PLEKHG2: variants seen among roughly 807,000 people sequenced by gnomAD.
The protein encoded by PLEKHG2 is pleckstrin homology domain-containing family G member 2.
A neutral mutation model predicts 104.4 loss-of-function variants in PLEKHG2; 71 were observed. The ratio of observed to expected loss-of-function variants is 0.68; its 90% CI spans 0.56 to 0.83. PLEKHG2 has a LOEUF of 0.83. PLEKHG2 is among the 40% of genes least tolerant of loss of function. PLEKHG2 has a pLI of 0.00. For synonymous variants in PLEKHG2, 728 were observed against 737.0 expected, an observed-to-expected ratio of 0.99 and a Z score of 0.20; for missense variants, 1,730 against 1,809.4, an observed-to-expected ratio of 0.96 and a Z score of 0.80.
In PLEKHG2 at chr19:39,420,670, G is replaced by A; in HGVS notation, c.1297+11G>A. 6.2e-7 allele frequency: 1 copy of A among 1,614,134 alleles called. No individual in the cohort carries two copies. The highest frequency in any genetic ancestry group is 1.6e-4 in the Middle Eastern group (1 of 6,062). On this transcript the variant is annotated intron_variant, in intron 12 of 18. Coordinates refer to ENST00000425673, the MANE Select transcript of PLEKHG2 (RefSeq NM_022835.3). ...AAAACAGCCTGCATTGTGAGTTGGG[G>A]CCTTGGGCTGGGAGGGTGTGGAAGT...
Position 39,415,068 on chromosome 19 carries a change from G to T in PLEKHG2, c.186G>T (p.Gly62=). Residue 62 remains glycine (G), a synonymous_variant, in exon 3 of 19, where the codon GGG becomes GGT. Coordinates refer to ENST00000425673, the MANE Select transcript of PLEKHG2 (RefSeq NM_022835.3). This position sits in a 1 kb window ranked among gnomAD's most constrained non-coding sequence, Gnocchi z 4.6. ...CCCTGAGCACAGTGGGCTCTGAGGGGGATCCAGCCCCTGGGCCCACTCCAG... is the reference window on the plus strand; with the variant it reads ...CCCTGAGCACAGTGGGCTCTGAGGGTGATCCAGCCCCTGGGCCCACTCCAG... ...STSLSTVGSE[G]DPAPGPTPAC... The T allele has an allele frequency of 1.3e-6, 2 of 1,592,336 alleles. No homozygotes were observed. The highest frequency in any genetic ancestry group is 1.7e-6 in the Non-Finnish European group (2 of 1,169,956).
intron 17 of PLEKHG2, among the ~76,000 whole-genome samples, chr19:39,422,530 A>C (rs1410991324): frequency 6.6e-6 from 1 of 151,266 alleles, no homozygotes; most frequent in East Asian, 1.9e-4. Context: ...GGCACCCGCC[A>C]ACACACCCGG....
At chr19:39,418,629 C>A in intron 9 of PLEKHG2, 105 bp from the exon 10 acceptor site, 2 of 846,294 alleles carry the variant, frequency 2.4e-6, no homozygotes, top group South Asian at 1.6e-5. Context: ...TGGGATGCAT[C>A]TTCCTAGGGA....
chr19:39,417,555 G>T lies in PLEKHG2; in HGVS notation c.745G>T (p.Glu249Ter). 6.2e-7 allele frequency: 1 copy of T among 1,613,880 alleles called. No individual in the cohort carries two copies. Among genetic ancestry groups the T allele is most frequent in the East Asian group, 2.2e-5 (1 of 44,872 alleles). Residue 249 changes from glutamate to a stop codon, truncating the protein, a stop_gained and splice_region_variant, in exon 8 of 19, where the codon GAA becomes TAA. Transcript: ENST00000425673. LOFTEE classifies it high-confidence loss of function. ...RILKYHLLLQ[E>*]LGKHWAEGPG... The stretch of plus-strand genomic sequence containing the variant: ...TGCGTGCCTGGTGGCTGCCTGACAG[G>T]AACTAGGGAAGCACTGGGCGGAGGG...
intron 7 of PLEKHG2, 37 bp from the exon 8 acceptor site, chr19:39,417,518 T>C (rs753313783): frequency 1.2e-6 from 2 of 1,603,176 alleles, no homozygotes; most frequent in South Asian, 2.2e-5. Context: ...TCTCTGTTTC[T>C]CTCCCCATCC....
chr19:39,416,611 G>T lies in PLEKHG2; in HGVS notation c.593+14G>T. The T allele has an allele frequency of 6.2e-7, 1 of 1,613,640 alleles. No individual in the cohort carries two copies. Among genetic ancestry groups the T allele is most frequent in the Non-Finnish European group, 8.5e-7 (1 of 1,179,794 alleles). On this transcript the variant is annotated intron_variant, in intron 6 of 18. Coordinates refer to ENST00000425673, the MANE Select transcript of PLEKHG2 (RefSeq NM_022835.3). This position sits in a 1 kb window ranked among gnomAD's most constrained non-coding sequence, Gnocchi z 4.5. ...GAACTACCCGAGGTGAGGGGCAGGAGCCCCTGCTGGGCCTCAGGCTGTGCC... is the reference window on the plus strand; with the variant it reads ...GAACTACCCGAGGTGAGGGGCAGGATCCCCTGCTGGGCCTCAGGCTGTGCC...
Position 39,416,384 on chromosome 19 carries a change from C to G in PLEKHG2, c.516C>G (p.Ala172=). 6.2e-7 allele frequency: 1 copy of G among 1,612,676 alleles called. No individual in the cohort carries two copies. The change falls in exon 5 of 19, where the codon GCC becomes GCG. Residue 172 remains alanine (A), a synonymous_variant. Transcript: ENST00000425673. This position sits in a 1 kb window ranked among gnomAD's most constrained non-coding sequence, Gnocchi z 4.5. ...AGGACTTGGAGAACAGCAGCAGCGC[C>G]GGGGGTATTGCCGAGTGCTTCGTGC... ...LLEDLENSSS[A]GGIAECFVQR...
chr19:39,420,246 C>T (rs577286129), intron 11 of PLEKHG2, among the ~76,000 whole-genome samples: 101 of 151,842 alleles, frequency 6.7e-4, no homozygotes, highest in African/African-American at 2.3e-3. Context: ...GTAATCCCAG[C>T]AACTCAAGAG....
chr19:39,421,210 A>G, intron 15 of PLEKHG2, 73 bp from the exon 16 acceptor site: 2 of 1,612,416 alleles, frequency 1.2e-6, no homozygotes, highest in Non-Finnish European at 1.7e-6. Context: ...TCAGCTCATC[A>G]GTTATGGGGG....
chr19:39,416,288 G>T lies in PLEKHG2; in HGVS notation c.480-60G>T. The T allele has an allele frequency of 6.4e-7, 1 of 1,564,514 alleles. No homozygotes were observed. Among genetic ancestry groups the T allele is most frequent in the Admixed American group, 1.7e-5 (1 of 59,324 alleles). The stretch of plus-strand genomic sequence containing the variant: ...ACCATTGGGGCCTCAGCCTCCTGGA[G>T]GCCTCCCATGGAGGGGTCGTGAAGG... On this transcript the variant is annotated intron_variant, in intron 4 of 18. Transcript: ENST00000425673. The surrounding 1 kb of genome is among the most constrained non-coding windows in gnomAD (Gnocchi z 4.5).
At position 39,423,403 on chromosome 19, in the gene PLEKHG2, C is replaced by T; in HGVS notation, c.2349C>T (p.Gly783=). The T allele has an allele frequency of 6.2e-7, 1 of 1,610,978 alleles. No individual in the cohort carries two copies. The highest frequency in any genetic ancestry group is 1.1e-5 in the South Asian group (1 of 90,680). The part of the protein sequence containing the change: ...ALEQGQLARP[G]FPEPLLILED... ...AACAGGGACAGCTGGCCCGGCCAGG[C>T]TTCCCAGAGCCACTGCTGATCCTGG... Residue 783 remains glycine, a synonymous_variant, in exon 18 of 19, where the codon GGC becomes GGT. Transcript: ENST00000425673.
chr19:39,422,042 G>T, intron 16 of PLEKHG2, 73 bp from the exon 17 acceptor site: 1 of 1,445,814 alleles, frequency 6.9e-7, no homozygotes, highest in Non-Finnish European at 9.2e-7. Flanking sequence ...AAAAGAAGGG[G>T]ATTGGGACTT....
chr19:39,424,208 G>T lies in PLEKHG2; in HGVS notation c.3075G>T (p.Glu1025Asp), dbSNP rs746098670. Residue 1025 changes from glutamate to aspartate, a missense_variant, in exon 19 of 19, where the codon GAG becomes GAT. By Grantham distance (45) the Glu-to-Asp change is conservative (BLOSUM62 2). Coordinates refer to ENST00000425673, the MANE Select transcript of PLEKHG2 (RefSeq NM_022835.3). ...HVPTTPALPK[E>D]ICSDFTVSVT... is the part of the protein sequence containing the mutation. ...CCACCACTCCAGCTTTGCCCAAGGA[G>T]ATTTGTTCTGATTTCACAGTTTCAG... 1 of 1,614,080 alleles carries T rather than the reference G, an allele frequency of 6.2e-7. No individual in the cohort carries two copies. The highest frequency in any genetic ancestry group is 8.5e-7 in the Non-Finnish European group (1 of 1,180,006).
At chr19:39,417,066 T>C in intron 7 of PLEKHG2, 66 bp downstream of exon 7, 1 of 1,498,832 alleles carries the variant, frequency 6.7e-7, no homozygotes. Flanking sequence ...ACCTGTTGGT[T>C]CATCTGGAGG....
At position 39,416,390 on chromosome 19, in the gene PLEKHG2, T is replaced by G. The variant is rs773816737; in HGVS notation, c.522T>G (p.Gly174=). 3 of 1,611,294 alleles carry G rather than the reference T, an allele frequency of 1.9e-6. No individual in the cohort carries two copies. The highest frequency in any genetic ancestry group is 2.5e-6 in the Non-Finnish European group (3 of 1,179,366). ...TGGAGAACAGCAGCAGCGCCGGGGG[T>G]ATTGCCGAGTGCTTCGTGCAGAGGG... is the stretch of plus-strand genomic sequence containing the variant. ...EDLENSSSAG[G]IAECFVQRSE... is the part of the protein sequence containing the mutation. The change falls in exon 5 of 19, where the codon GGT becomes GGG. Residue 174 remains glycine (G), a synonymous_variant. Coordinates refer to ENST00000425673, the MANE Select transcript of PLEKHG2 (RefSeq NM_022835.3). The surrounding 1 kb of genome is among the most constrained non-coding windows in gnomAD (Gnocchi z 4.5).
chr19:39,422,719 G>A lies in PLEKHG2; in HGVS notation c.1678-13G>A, dbSNP rs2078718789. Reference sequence around the variant, plus strand: ...GCTGATATGTTTGGCTTGTTCTCCTGTGCCCACTATAGCCGTCCACCCATG... The same window carrying A: ...GCTGATATGTTTGGCTTGTTCTCCTATGCCCACTATAGCCGTCCACCCATG... On this transcript the variant is annotated splice_polypyrimidine_tract_variant and intron_variant, in intron 17 of 18. Coordinates refer to ENST00000425673, the MANE Select transcript of PLEKHG2 (RefSeq NM_022835.3). The A allele has an allele frequency of 2.6e-6, 4 of 1,515,164 alleles. No individual in the cohort carries two copies. Among genetic ancestry groups the A allele is most frequent in the East Asian group, 4.5e-5 (2 of 43,970 alleles). The allele number at this position is 1,515,164 out of a possible 1,614,324, so 93.9% of individuals were successfully genotyped here.
intron 11 of PLEKHG2, 134 bp downstream of exon 11, chr19:39,419,137 C>G (rs2078657323): frequency 5.0e-6 from 4 of 806,384 alleles, no homozygotes; most frequent in African/African-American, 1.8e-5. Flanking sequence ...AATTCCGCTA[C>G]TTGGGTTTGA....
In PLEKHG2 at chr19:39,425,372, G is replaced by C. The variant is rs752568954; in HGVS notation, c.*78G>C. ...CCTCAGAACTTGACCTGGAAGTCCA[G>C]ACACTGAACGCAGGCCTCAAAACTG... is the stretch of plus-strand genomic sequence containing the variant. On this transcript the variant is annotated 3_prime_UTR_variant, in exon 19 of 19. Transcript: ENST00000425673. 5 of 1,516,880 alleles carry C rather than the reference G, an allele frequency of 3.3e-6. No individual in the cohort carries two copies. The East Asian group carries it at 9.4e-5, about 28-fold the overall frequency. The allele number at this position is 1,516,880 out of a possible 1,614,324, so 94.0% of individuals were successfully genotyped here. A position where few individuals can be genotyped will look rare whatever the true frequency, so the allele number is the denominator to read the frequency against.
chr19:39,416,724 A>C lies in PLEKHG2; in HGVS notation c.594-126A>C, dbSNP rs1423761955. 5 of 1,459,534 alleles carry C rather than the reference A, an allele frequency of 3.4e-6. No homozygotes were observed. Among genetic ancestry groups the C allele is most frequent in the Non-Finnish European group, 4.7e-6 (5 of 1,059,396 alleles). The allele number at this position is 1,459,534 out of a possible 1,614,324, so 90.4% of individuals were successfully genotyped here. A position where few individuals can be genotyped will look rare whatever the true frequency, so the allele number is the denominator to read the frequency against. On this transcript the variant is annotated intron_variant, in intron 6 of 18. Transcript: ENST00000425673. This position sits in a 1 kb window ranked among gnomAD's most constrained non-coding sequence, Gnocchi z 4.5. Reference sequence around the variant, plus strand: ...CCCTGCCAGGCTGTGACAGTAACTGACCTCTCCCTCACTGCCCCGCCCCCT... The same window carrying C: ...CCCTGCCAGGCTGTGACAGTAACTGCCCTCTCCCTCACTGCCCCGCCCCCT...
Sources: gnomAD v4.1 joint callset for allele counts (sites outside exome capture counted in the v4.1 genomes callset) on GRCh38, gnomAD v4.1.1 for gene constraint, Gnocchi (gnomAD v3.1) non-coding constraint, MANE v1.5 for transcripts, NCBI Gene and HGNC (gene_info 2026-07-23, HGNC 2026-07-21) for gene names.